Variants in ACAN observed in about 807,000 individuals in gnomAD.
ACAN encodes aggrecan core protein.
A neutral mutation model predicts 169.1 loss-of-function variants in ACAN; 47 were observed. The observed-to-expected ratio is 0.28, with a 90% CI of 0.22 to 0.35. ACAN has a LOEUF of 0.35. Ranked by LOEUF, ACAN falls within the 10% of genes least tolerant of loss-of-function variation. The probability of loss-of-function intolerance (pLI) is 1.00; values close to 1 mark genes in which losing one functional copy is unlikely to be tolerated. For synonymous variants in ACAN, 1,115 were observed against 1,112.2 expected (o/e 1.00, Z -0.05); for missense variants, 2,716 against 2,759.9 (o/e 0.98, Z 0.36).
In ACAN at chr15:88,857,474, G is replaced by C. The variant is rs752559366; in HGVS notation, c.4889G>C (p.Ser1630Thr). The C allele has an allele frequency of 1.2e-6, 2 of 1,613,824 alleles. No homozygotes were observed. The highest frequency in any genetic ancestry group is 2.2e-5 in the East Asian group (1 of 44,898). ...PETSGLPSGF[S>T]GEYSGVDLGS... is the part of the protein sequence containing the mutation. ...ACAAGTGGTCTTCCCTCTGGATTTA[G>C]TGGTGAGTATTCTGGGGTGGACCTT... Residue 1630 changes from serine to threonine, a missense_variant, in exon 12 of 19, where the codon AGT becomes ACT. By Grantham distance (58) the Ser-to-Thr change is moderately conservative (BLOSUM62 1). Transcript: ENST00000560601.
Position 88,872,120 on chromosome 15 carries a change from G to A in ACAN, c.7302+35G>A, listed in dbSNP as rs1396725300. ...GCTGTAGGCACAGCTGGTGGCCCAG[G>A]GGACAGGGAGTGGGATAGAGACCCC... On this transcript the variant is annotated intron_variant, in intron 16 of 18. Transcript: ENST00000560601. This position sits in a 1 kb window ranked among gnomAD's most constrained non-coding sequence, Gnocchi z 5.4. 2 of 1,587,080 alleles carry A rather than the reference G, an allele frequency of 1.3e-6. No individual in the cohort carries two copies. Among genetic ancestry groups the A allele is most frequent in the Non-Finnish European group, 1.7e-6 (2 of 1,155,730 alleles).
In ACAN at chr15:88,874,023, C is replaced by T. The variant is rs1161491813; in HGVS notation, c.7629C>T (p.Asp2543=). The change falls in exon 18 of 19, where the codon GAC becomes GAT. Residue 2543 remains aspartate, a splice_region_variant and synonymous_variant. Coordinates refer to ENST00000560601, the MANE Select transcript of ACAN (RefSeq NM_001369268.1). The surrounding 1 kb of genome is among the most constrained non-coding windows in gnomAD (Gnocchi z 7.3). ...AGGAGCCTCAGATCACCTGCACAGA[C>T]CGTGAGCATCACCCCGGCCATCTCG... ...HWEEPQITCT[D]PTTYKRRLQK... The T allele has an allele frequency of 3.1e-6, 5 of 1,609,922 alleles. No individual in the cohort carries two copies. The South Asian group carries it at 5.5e-5, about 18-fold the overall frequency.
At position 88,839,051 on chromosome 15, in the gene ACAN, GA is replaced by G. The variant is rs775149386; in HGVS notation, c.454+6del. The G allele has an allele frequency of 3.1e-6, 5 of 1,600,722 alleles. No individual in the cohort carries two copies. In the South Asian group the frequency reaches 5.5e-5, roughly 18 times the overall value. On this transcript the variant is annotated splice_donor_region_variant and intron_variant, in intron 3 of 18. Coordinates refer to ENST00000560601, the MANE Select transcript of ACAN (RefSeq NM_001369268.1). The surrounding 1 kb of genome is among the most constrained non-coding windows in gnomAD (Gnocchi z 4.5). Reference sequence around the variant, plus strand: ...CCCTGGAAGTCGTGGTGAAAGGTGAGAGCCTCCCACAGGGACAGACGCTGCT... The same window carrying G: ...CCCTGGAAGTCGTGGTGAAAGGTGAGGCCTCCCACAGGGACAGACGCTGCT...
In ACAN at chr15:88,874,085, C is replaced by A. The variant is rs773932175; in HGVS notation, c.7630+61C>A. 1.2e-5 allele frequency: 19 copies of A among 1,585,658 alleles called. No homozygotes were observed. Among genetic ancestry groups the A allele is most frequent in the Non-Finnish European group, 1.5e-5 (18 of 1,171,022 alleles). On this transcript the variant is annotated intron_variant, in intron 18 of 18. Coordinates refer to ENST00000560601, the MANE Select transcript of ACAN (RefSeq NM_001369268.1). The surrounding 1 kb of genome is among the most constrained non-coding windows in gnomAD (Gnocchi z 7.3). ...GTTAGATTCTGCCAGCACAGCCTTC[C>A]CCCCGTCCCCTCTCCTGGGGACCCT...
intron 7 of ACAN, among the ~76,000 whole-genome samples, chr15:88,846,347 T>C (rs755996580): frequency 1.3e-5 from 2 of 152,226 alleles, no homozygotes; most frequent in Non-Finnish European, 2.9e-5. Flanking sequence ...GCTGTTCTCA[T>C]ATGGCCCATG....
Position 88,860,451 on chromosome 15 carries a change from A to C in ACAN, c.6946+12A>C. The C allele has an allele frequency of 1.6e-5, 26 of 1,608,142 alleles. No individual in the cohort carries two copies. Among genetic ancestry groups the C allele is most frequent in the Non-Finnish European group, 2.1e-5 (25 of 1,175,648 alleles). ...GCACTGTAACATAGGTAAGGCCCTC[A>C]TTGGCCGTGGAGAGTGAGGGCGGAG... On this transcript the variant is annotated intron_variant, in intron 13 of 18. Coordinates refer to ENST00000560601, the MANE Select transcript of ACAN (RefSeq NM_001369268.1).
At chr15:88,810,839 G>T (rs1403545001) in intron 1 of ACAN, among the ~76,000 whole-genome samples, 1 of 152,202 alleles carries the variant, frequency 6.6e-6, no homozygotes, top group East Asian at 1.9e-4. Context: ...ATTGCCCCAG[G>T]TGATTCCATT....
chr15:88,867,973 G>A lies in ACAN; in HGVS notation c.6947-243G>A, dbSNP rs551647637. Among the ~76,000 whole-genome samples the A allele has an allele frequency of 7.9e-5, 12 of 152,340 alleles. No individual in the cohort carries two copies. The South Asian group carries it at 1.0e-3, about 13-fold the overall frequency. ...CAAACCACTGGGAAATCTGGCTCCA[G>A]TGCTCCAAGTTTACCAATCAAGAAT... On this transcript the variant is annotated intron_variant, in intron 13 of 18. Coordinates refer to ENST00000560601, the MANE Select transcript of ACAN (RefSeq NM_001369268.1).
At chr15:88,867,178 A>G (rs1373594940) in intron 13 of ACAN, among the ~76,000 whole-genome samples, 1 of 152,250 alleles carries the variant, frequency 6.6e-6, no homozygotes, top group Non-Finnish European at 1.5e-5. Flanking sequence ...ATGCAGAAAG[A>G]CCAGATGAGG....
Position 88,873,150 on chromosome 15 carries a change from T to A in ACAN, c.7447+125T>A. The A allele has an allele frequency of 7.7e-7, 1 of 1,299,124 alleles. No homozygotes were observed. The highest frequency in any genetic ancestry group is 1.0e-6 in the Non-Finnish European group (1 of 960,604). The allele number at this position is 1,299,124 out of a possible 1,614,324, so 80.5% of individuals were successfully genotyped here. On this transcript the variant is annotated intron_variant, in intron 17 of 18. Coordinates refer to ENST00000560601, the MANE Select transcript of ACAN (RefSeq NM_001369268.1). The surrounding 1 kb of genome is among the most constrained non-coding windows in gnomAD (Gnocchi z 7.5). Reference sequence around the variant, plus strand: ...CTGGCTGCTGGTGTCTCCTCACTTGTCCAAAAGGCAGACTGGAGCTGACCT... The same window carrying A: ...CTGGCTGCTGGTGTCTCCTCACTTGACCAAAAGGCAGACTGGAGCTGACCT...
Position 88,841,860 on chromosome 15 carries a change from G to T in ACAN, c.750G>T (p.Glu250Asp), listed in dbSNP as rs1896671085. Residue 250 changes from glutamate (E) to aspartate (D), a missense_variant, in exon 5 of 19, where the codon GAG (glutamate) becomes GAT (aspartate). Transcript: ENST00000560601. The stretch of plus-strand genomic sequence containing the variant: ...ATGATGTGTACTGCTTCGCCGAGGA[G>T]ATGGAGGGTGAGCTGCCCTGCCCAC... ...ETYDVYCFAE[E>D]MEGEVFYATS... is the part of the protein sequence containing the mutation. 3.1e-6 allele frequency: 5 copies of T among 1,612,772 alleles called. No homozygotes were observed. The highest frequency in any genetic ancestry group is 3.4e-6 in the Non-Finnish European group (4 of 1,179,514).
chr15:88,864,732 T>C (rs1238822914), intron 13 of ACAN, among the ~76,000 whole-genome samples: 2 of 152,212 alleles, frequency 1.3e-5, no homozygotes, highest in East Asian at 3.8e-4. Context: ...GAGCATCCAT[T>C]GAATTGAGAA....
In ACAN at chr15:88,841,823, C is replaced by G; in HGVS notation, c.713C>G (p.Thr238Ser). ...GTGAGGACGTATGGCATCCGAGACACCAACGAGACCTATGATGTGTACTGC... is the reference window on the plus strand; with the variant it reads ...GTGAGGACGTATGGCATCCGAGACAGCAACGAGACCTATGATGTGTACTGC... ...PGVRTYGIRD[T>S]NETYDVYCFA... is the part of the protein sequence containing the mutation. Residue 238 changes from threonine to serine, a missense_variant, in exon 5 of 19, where the codon ACC (threonine) becomes AGC (serine). By Grantham distance (58) the Thr-to-Ser change is moderately conservative. Coordinates refer to ENST00000560601, the MANE Select transcript of ACAN (RefSeq NM_001369268.1). 1.9e-6 allele frequency: 3 copies of G among 1,613,496 alleles called. No individual in the cohort carries two copies. The highest frequency in any genetic ancestry group is 2.5e-6 in the Non-Finnish European group (3 of 1,179,774).
chr15:88,864,820 C>T (rs1897255988), intron 13 of ACAN, among the ~76,000 whole-genome samples: 1 of 152,216 alleles, frequency 6.6e-6, no homozygotes, highest in Non-Finnish European at 1.5e-5. Context: ...CATACAGCTG[C>T]ACAAGTATGC....
chr15:88,870,739 C>T lies in ACAN; in HGVS notation c.7061-643C>T, dbSNP rs897071661. 1.3e-5 allele frequency among the ~76,000 whole-genome samples: 2 copies of T among 152,142 alleles called. No individual in the cohort carries two copies. Among genetic ancestry groups the T allele is most frequent in the Non-Finnish European group, 2.9e-5 (2 of 68,022 alleles). On this transcript the variant is annotated intron_variant, in intron 14 of 18. Coordinates refer to ENST00000560601, the MANE Select transcript of ACAN (RefSeq NM_001369268.1). The surrounding 1 kb of genome is among the most constrained non-coding windows in gnomAD (Gnocchi z 6.3). Reference sequence around the variant, plus strand: ...TCACCCCCAAAATAAAAAGCCAGGGCCCCTGGATCCCAGACCCCCAATGGG... The same window carrying T: ...TCACCCCCAAAATAAAAAGCCAGGGTCCCTGGATCCCAGACCCCCAATGGG...
At position 88,843,428 on chromosome 15, in the gene ACAN, T is replaced by A. The variant is rs1385565333; in HGVS notation, c.831T>A (p.Gly277=). Residue 277 remains glycine (G), a synonymous_variant, in exon 6 of 19, where the codon GGT becomes GGA. Coordinates refer to ENST00000560601, the MANE Select transcript of ACAN (RefSeq NM_001369268.1). The surrounding 1 kb of genome is among the most constrained non-coding windows in gnomAD (Gnocchi z 4.0). ...CAGCCAATGAGTGCCGGCGGCTGGG[T>A]GCCCGGCTGGCCACCACGGGCCAGC... The part of the protein sequence containing the change: ...QEAANECRRL[G]ARLATTGQLY... The A allele has an allele frequency of 6.2e-7, 1 of 1,607,828 alleles. No homozygotes were observed.
chr15:88,845,638 C>T lies in ACAN; in HGVS notation c.1185C>T (p.Gly395=). ...PRNITEGEAR[G]SVILTVKPIF... is the part of the protein sequence containing the mutation. ...ACATCACTGAGGGTGAAGCCCGAGGCAGCGTGATCCTTACCGTAAAGCCCA... is the reference window on the plus strand; with the variant it reads ...ACATCACTGAGGGTGAAGCCCGAGGTAGCGTGATCCTTACCGTAAAGCCCA... Residue 395 remains glycine (G), a synonymous_variant, in exon 7 of 19, where the codon GGC becomes GGT. Coordinates refer to ENST00000560601, the MANE Select transcript of ACAN (RefSeq NM_001369268.1). The T allele has an allele frequency of 1.9e-6, 3 of 1,614,078 alleles. No homozygotes were observed. In the South Asian group the frequency reaches 3.3e-5, roughly 18 times the overall value.
At chr15:88,840,582 C>T (rs777969821) in intron 4 of ACAN, among the ~76,000 whole-genome samples, 32 of 152,112 alleles carry the variant, frequency 2.1e-4, no homozygotes, top group Non-Finnish European at 3.1e-4. Flanking sequence ...CTTCCCTGAG[C>T]GTAGTTGCTG....
intron 1 of ACAN, among the ~76,000 whole-genome samples, chr15:88,819,282 T>C (rs940811285): frequency 2.0e-5 from 3 of 152,174 alleles, no homozygotes; most frequent in African/African-American, 7.2e-5. Context: ...GGTAGGCTGT[T>C]AGAGGGAGGT....
Sources: gnomAD v4.1 joint callset for allele counts (sites outside exome capture counted in the v4.1 genomes callset) on GRCh38, gnomAD v4.1.1 for gene constraint, Gnocchi (gnomAD v3.1) non-coding constraint, MANE v1.5 for transcripts, NCBI Gene and HGNC (gene_info 2026-07-23, HGNC 2026-07-21) for gene names.